The following TMPRSS9 variants were observed in gnomAD, a reference collection of about 807,000 sequenced individuals.
The protein encoded by TMPRSS9 is transmembrane serine protease 9.
Under a neutral mutation model 111.4 loss-of-function variants are expected in TMPRSS9, and 113 were observed. The observed-to-expected ratio is 1.01, with a 90% CI of 0.87 to 1.19. The LOEUF is 1.19. Among genes scored for constraint, TMPRSS9 ranks in the 50% most tolerant of loss-of-function variants. TMPRSS9 has a pLI of 0.00. For missense variants in TMPRSS9, 1,803 were observed against 1,513.1 expected, an observed-to-expected ratio of 1.19 and a Z score of -3.18; for synonymous variants, 805 against 659.1, an observed-to-expected ratio of 1.22 and a Z score of -3.39.
rs185190314 is a variant in TMPRSS9 at position 2,408,758 on chromosome 19, C to T, written c.1117+128C>T. The T allele has an allele frequency of 4.2e-4, 514 of 1,238,132 alleles. 2 individuals are homozygous for T. In the East Asian group the frequency reaches 6.3e-3, roughly 15 times the overall value. The allele number at this position is 1,238,132 out of a possible 1,614,324, so 76.7% of individuals were successfully genotyped here. A position where few individuals can be genotyped will look rare whatever the true frequency, so the allele number is the denominator to read the frequency against. Reference sequence around the variant, plus strand: ...TTGGGAGGCCGAGGCGGGTGGATCACGAGGTCAGGCGTTTGAGACCAGCCT... The same window carrying T: ...TTGGGAGGCCGAGGCGGGTGGATCATGAGGTCAGGCGTTTGAGACCAGCCT... On this transcript the variant is annotated intron_variant, in intron 8 of 17. Transcript: ENST00000648592.
intron 1 of TMPRSS9, among the ~76,000 whole-genome samples, chr19:2,362,756 G>T (rs1445439637): frequency 6.6e-6 from 1 of 152,038 alleles, no homozygotes; most frequent in Non-Finnish European, 1.5e-5. Flanking sequence ...GTACTTGCAT[G>T]ATGAGATTGT....
rs543520249 is a variant in TMPRSS9, at chr19:2,419,508, T to C, written c.2154+1370T>C. ...TGAGCCACTGTACCCAGCCTAGATT[T>C]CTTTTTCTTTTTCCTTTTTTTTTTT... On this transcript the variant is annotated intron_variant, in intron 13 of 17. Coordinates refer to ENST00000648592, the Ensembl canonical transcript of TMPRSS9. Among the ~76,000 whole-genome samples the C allele has an allele frequency of 4.5e-4, 57 of 125,776 alleles. 1 individual carries two copies. In the South Asian group the frequency reaches 8.1e-3, roughly 18 times the overall value. 82.5% of individuals were successfully genotyped at this position (125,776 alleles called of 152,430 possible). A position where few individuals can be genotyped will look rare whatever the true frequency, so the allele number is the denominator to read the frequency against.
intron 1 of TMPRSS9, among the ~76,000 whole-genome samples, chr19:2,379,656 T>TCTTTCTTTCTTTCTTC: frequency 6.7e-6 from 1 of 149,984 alleles, no homozygotes; most frequent in East Asian, 2.0e-4. Flanking sequence ...TTTCTTTCTT[T>TCTTTCTTTCTTTCTTC]CTTTCTTTCT....
chr19:2,365,518 G>C (rs985037666), intron 1 of TMPRSS9, among the ~76,000 whole-genome samples: 2 of 152,074 alleles, frequency 1.3e-5, no homozygotes, highest in African/African-American at 4.8e-5. Flanking sequence ...CTATAAACGG[G>C]CTTTGGCTGC....
chr19:2,363,308 G>GTT (rs1175408609), intron 1 of TMPRSS9, among the ~76,000 whole-genome samples: 3 of 152,176 alleles, frequency 2.0e-5, no homozygotes. Flanking sequence ...GCCCAGGCTG[G>GTT]GGACTCTGTC....
At chr19:2,426,037 T>C (rs1478604730) in exon 18 of TMPRSS9, 2 of 1,609,318 alleles carry the variant, frequency 1.2e-6, no homozygotes, top group Admixed American at 1.7e-5. Context: ...CAGGTGTCTA[T>C]ACCCGGGTGG....
intron 5 of TMPRSS9, among the ~76,000 whole-genome samples, 163 bp from the exon 7 acceptor site, chr19:2,402,919 G>A (rs1217987795): frequency 9.2e-5 from 14 of 152,098 alleles, no homozygotes. Flanking sequence ...AACAGAGCTA[G>A]ACCCTGTCTC....
intron 10 of TMPRSS9, 129 bp downstream of exon 11, chr19:2,414,147 T>A: frequency 1.0e-6 from 1 of 988,276 alleles, no homozygotes; most frequent in Non-Finnish European, 1.4e-6. Context: ...GTGTATCCGT[T>A]TATTCCCATC....
At chr19:2,400,996 C>T (rs1404383470) in intron 4 of TMPRSS9, among the ~76,000 whole-genome samples, 7 of 150,368 alleles carry the variant, frequency 4.7e-5, no homozygotes, top group East Asian at 2.0e-4. Flanking sequence ...AAAAAATGGC[C>T]GGGCGCGGTG....
chr19:2,425,062 G>A (rs758409302), exon 16 of TMPRSS9: 2 of 1,570,256 alleles, frequency 1.3e-6, no homozygotes, highest in Non-Finnish European at 1.7e-6. Flanking sequence ...GCGGCGCGGA[G>A]GGGCAGCTGG....
At chr19:2,379,692 T>C (rs1410974114) in intron 1 of TMPRSS9, among the ~76,000 whole-genome samples, 2 of 151,074 alleles carry the variant, frequency 1.3e-5, no homozygotes, top group African/African-American at 2.4e-5. Flanking sequence ...TTTCTTTCTT[T>C]CCTTCCTTCC....
chr19:2,424,938 CCACAGG>C, intron 15 of TMPRSS9, 58 bp from the exon 17 acceptor site: 2 of 1,387,216 alleles, frequency 1.4e-6, no homozygotes, highest in Non-Finnish European at 1.9e-6. Flanking sequence ...CTGGGGGACA[CCACAGG>C]GGCGGGGGCC....
chr19:2,379,181 CTTTTTTTT>C (rs919990556), intron 1 of TMPRSS9, among the ~76,000 whole-genome samples: 2 of 99,422 alleles, frequency 2.0e-5, no homozygotes, highest in Admixed American at 2.4e-4. Context: ...GCTTCTTTCT[CTTTTTTTT>C]TTTTTTTTTT....
intron 10 of TMPRSS9, among the ~76,000 whole-genome samples, 200 bp from the exon 12 acceptor site, chr19:2,415,470 C>T (rs1035515013): frequency 2.0e-5 from 3 of 151,852 alleles, no homozygotes; most frequent in Non-Finnish European, 2.9e-5. Context: ...CTTCTGTCCC[C>T]GAAGCGAGGC....
chr19:2,405,483 C>A, exon 7 of TMPRSS9: 2 of 1,607,240 alleles, frequency 1.2e-6, no homozygotes, highest in Non-Finnish European at 1.7e-6. Flanking sequence ...ACAAGGAGCA[C>A]TTCTGTGGGG....
At chr19:2,421,708 T>C (rs1971465140) in intron 13 of TMPRSS9, 146 bp from the exon 15 acceptor site, 4 of 726,038 alleles carry the variant, frequency 5.5e-6, no homozygotes, top group Non-Finnish European at 4.4e-6. Context: ...GGCATGGGGC[T>C]GCAGTCAGGT....
chr19:2,363,980 C>A (rs902843778), intron 1 of TMPRSS9, among the ~76,000 whole-genome samples: 1 of 151,840 alleles, frequency 6.6e-6, no homozygotes, highest in Non-Finnish European at 1.5e-5. Context: ...CTCTCATAAG[C>A]CTATGAGCCC....
intron 1 of TMPRSS9, among the ~76,000 whole-genome samples, chr19:2,377,414 C>T (rs1020504544): frequency 3.5e-5 from 5 of 143,082 alleles, no homozygotes; most frequent in Non-Finnish European, 7.6e-5. Context: ...GTATTACAGG[C>T]ATGAGCCACC....
exon 14 of TMPRSS9, chr19:2,422,004 A>G (rs1397855492): frequency 6.2e-7 from 1 of 1,613,020 alleles, no homozygotes; most frequent in African/African-American, 1.3e-5. Flanking sequence ...CCTGGAGATC[A>G]TGTCCTCCCA....
Sources: gnomAD v4.1 joint callset for allele counts (sites outside exome capture counted in the v4.1 genomes callset) on GRCh38, gnomAD v4.1.1 for gene constraint, MANE v1.5 for transcripts, NCBI Gene and HGNC (gene_info 2026-07-23, HGNC 2026-07-21) for gene names.